The following MBL2 variants were observed in gnomAD, a reference collection of about 807,000 sequenced individuals.
MBL2 encodes mannose binding lectin 2.
MBL2 carries 6 observed loss-of-function variants against 12.7 expected under a neutral mutation model. The ratio of observed to expected loss-of-function variants is 0.47; its 90% CI spans 0.26 to 0.94. MBL2 has a LOEUF of 0.94. MBL2 is among the 40% of genes least tolerant of loss of function. MBL2 has a pLI of 0.15. For synonymous variants in MBL2, 114 were observed against 112.0 expected, an observed-to-expected ratio of 1.02 and a Z score of -0.11; for missense variants, 307 against 295.2, an observed-to-expected ratio of 1.04 and a Z score of -0.29.
In MBL2 at chr10:52,767,324, T is replaced by G. The variant is rs1426817050; in HGVS notation, c.*813A>C. 6.6e-6 allele frequency: 1 copy of G among 152,010 alleles called. No homozygotes were observed. Among genetic ancestry groups the G allele is most frequent in the Non-Finnish European group, 1.5e-5 (1 of 68,026 alleles). The allele number at this position is 152,010 out of a possible 1,614,324, so 9.4% of individuals were successfully genotyped here. ...ACATGGCAATGAAAAGGATGAAACT[T>G]TTGTACACATGACATGAATGAATCT... On this transcript the variant is annotated 3_prime_UTR_variant, in exon 5 of 5. Coordinates refer to ENST00000674931, the MANE Select transcript of MBL2 (RefSeq NM_001378373.1).
chr10:52,767,890 T>C lies in MBL2; in HGVS notation c.*247A>G. On this transcript the variant is annotated 3_prime_UTR_variant, in exon 5 of 5. Transcript: ENST00000674931. ...ATTAAACTAGATAATTAATGTAGGATGCAAAAGATAGGGCCTCATAGTATA... is the reference window on the plus strand; with the variant it reads ...ATTAAACTAGATAATTAATGTAGGACGCAAAAGATAGGGCCTCATAGTATA... 2.9e-6 allele frequency: 1 copy of C among 342,946 alleles called. No individual in the cohort carries two copies. The highest frequency in any genetic ancestry group is 5.2e-6 in the Non-Finnish European group (1 of 193,328). The allele number at this position is 342,946 out of a possible 1,614,324, so 21.2% of individuals were successfully genotyped here.
At position 52,770,691 on chromosome 10, in the gene MBL2, C is replaced by CT; in HGVS notation, c.282dup (p.Gly95ArgfsTer10). On this transcript the variant is annotated frameshift_variant, in exon 3 of 5. Coordinates refer to ENST00000674931, the MANE Select transcript of MBL2 (RefSeq NM_001378373.1). LOFTEE classifies it high-confidence loss of function. ...TTACCCGGACTTTTTCCAGGGTCTC[C>CT]TTTTTGGCCCTTTGGTCCTGGTGAC... The CT allele has an allele frequency of 6.7e-7, 1 of 1,496,386 alleles. No homozygotes were observed. The highest frequency in any genetic ancestry group is 1.4e-5 in the African/African-American group (1 of 70,262). 92.7% of individuals were successfully genotyped at this position (1,496,386 alleles called of 1,614,324 possible).
At chr10:52,769,613 G>C (rs1231092635) in intron 3 of MBL2, among the ~76,000 whole-genome samples, 1 of 151,930 alleles carries the variant, frequency 6.6e-6, no homozygotes, top group Admixed American at 6.6e-5. Flanking sequence ...GTTCTTCACA[G>C]ATTTTTTTTT....
intron 4 of MBL2, 22 bp downstream of exon 4, chr10:52,769,225 G>C (rs1169917033): frequency 1.3e-6 from 2 of 1,560,596 alleles, no homozygotes; most frequent in Non-Finnish European, 8.7e-7. Context: ...AAGCTGCCTG[G>C]AGAGTAAGAG....
Position 52,768,042 on chromosome 10 carries a change from G to A in MBL2, c.*95C>T. The A allele has an allele frequency of 6.9e-7, 1 of 1,453,842 alleles. No homozygotes were observed. The highest frequency in any genetic ancestry group is 9.2e-7 in the Non-Finnish European group (1 of 1,082,392). 90.1% of individuals were successfully genotyped at this position (1,453,842 alleles called of 1,614,324 possible). On this transcript the variant is annotated 3_prime_UTR_variant, in exon 5 of 5. Coordinates refer to ENST00000674931, the MANE Select transcript of MBL2 (RefSeq NM_001378373.1). ...ATTGCCCACAAAAGGAACAATACTGGATATGAGGAAATTGATATAATTTAT... is the reference window on the plus strand; with the variant it reads ...ATTGCCCACAAAAGGAACAATACTGAATATGAGGAAATTGATATAATTTAT...
In MBL2 at chr10:52,771,627, CA is replaced by C; in HGVS notation, c.8del (p.Leu3ArgfsTer10). The C allele has an allele frequency of 6.2e-7, 1 of 1,613,604 alleles. No homozygotes were observed. The highest frequency in any genetic ancestry group is 8.5e-7 in the Non-Finnish European group (1 of 1,179,730). MSLFPSLPLLLLS... is the reference protein window; with the variant it reads MSXFPSLPLLLLS... ...GGAGAAGGAGAGGGAGTGATGGAAA[CA>C]GGGACATGGTCCTCACCTTGGTGTG... On this transcript the variant is annotated frameshift_variant, in exon 2 of 5. Transcript: ENST00000674931. LOFTEE classifies it high-confidence loss of function.
chr10:52,766,394 A>T lies in MBL2; in HGVS notation c.*1743T>A, dbSNP rs529374068. ...AGACACACACACATACAGTTACCTA[A>T]CTTACAAAAATGCACCACCCTAGTT... On this transcript the variant is annotated 3_prime_UTR_variant, in exon 5 of 5. Coordinates refer to ENST00000674931, the MANE Select transcript of MBL2 (RefSeq NM_001378373.1). The T allele has an allele frequency of 6.6e-6, 1 of 152,124 alleles. No individual in the cohort carries two copies. The highest frequency in any genetic ancestry group is 1.5e-5 in the Non-Finnish European group (1 of 68,004). The allele number at this position is 152,124 out of a possible 1,614,324, so 9.4% of individuals were successfully genotyped here.
rs1484098696 is a variant in MBL2 at position 52,770,735 on chromosome 10, C to T, written c.239G>A (p.Gly80Glu). The part of the protein sequence containing the change: ...QGPPGKLGPP[G>E]NPGPSGSPGP... Reference sequence around the variant, plus strand: ...TGGTGACCCAGAAGGCCCTGGATTTCCTGGAGGCCCCAACTTTCCAGGGGG... The same window carrying T: ...TGGTGACCCAGAAGGCCCTGGATTTTCTGGAGGCCCCAACTTTCCAGGGGG... The change falls in exon 3 of 5, where the codon GGA becomes GAA. Residue 80 changes from glycine (G) to glutamate (E), a missense_variant. Coordinates refer to ENST00000674931, the MANE Select transcript of MBL2 (RefSeq NM_001378373.1). 1 of 1,522,702 alleles carries T rather than the reference C, an allele frequency of 6.6e-7. No individual in the cohort carries two copies. Among genetic ancestry groups the T allele is most frequent in the Non-Finnish European group, 8.9e-7 (1 of 1,127,944 alleles). The allele number at this position is 1,522,702 out of a possible 1,614,324, so 94.3% of individuals were successfully genotyped here.
rs751026580 is a variant in MBL2, at chr10:52,768,021, C to A, written c.*116G>T. On this transcript the variant is annotated 3_prime_UTR_variant, in exon 5 of 5. Coordinates refer to ENST00000674931, the MANE Select transcript of MBL2 (RefSeq NM_001378373.1). ...TGTTAGTGATCATTTTTAGTGATTG[C>A]CCACAAAAGGAACAATACTGGATAT... 6 of 1,308,204 alleles carry A rather than the reference C, an allele frequency of 4.6e-6. No homozygotes were observed. Among genetic ancestry groups the A allele is most frequent in the Non-Finnish European group, 6.2e-6 (6 of 968,416 alleles). The allele number at this position is 1,308,204 out of a possible 1,614,324, so 81.0% of individuals were successfully genotyped here.
Position 52,772,734 on chromosome 10 carries a change from T to TA in MBL2, c.-10+2dup. The stretch of plus-strand genomic sequence containing the variant: ...CCAGATTTATTCACCAGAAATGACT[T>TA]ACTGGTGTTTCTGCAGAGCAGGGAC... On this transcript the variant is annotated splice_region_variant and intron_variant, in intron 1 of 4. Coordinates refer to ENST00000674931, the MANE Select transcript of MBL2 (RefSeq NM_001378373.1). 1 of 985,344 alleles carries TA rather than the reference T, an allele frequency of 1.0e-6. No homozygotes were observed. The highest frequency in any genetic ancestry group is 1.2e-6 in the Non-Finnish European group (1 of 829,924). 61.0% of individuals were successfully genotyped at this position (985,344 alleles called of 1,614,324 possible).
rs1362765137 is a variant in MBL2, at chr10:52,766,033, A to G, written c.*2104T>C. 1 of 152,156 alleles carries G rather than the reference A, an allele frequency of 6.6e-6. No homozygotes were observed. The allele number at this position is 152,156 out of a possible 1,614,324, so 9.4% of individuals were successfully genotyped here. ...AAATCACTAAAACCACCAAAACAAGATATACAAGGTTTTTAAACTAAAAAT... is the reference window on the plus strand; with the variant it reads ...AAATCACTAAAACCACCAAAACAAGGTATACAAGGTTTTTAAACTAAAAAT... On this transcript the variant is annotated 3_prime_UTR_variant, in exon 5 of 5. Coordinates refer to ENST00000674931, the MANE Select transcript of MBL2 (RefSeq NM_001378373.1).
chr10:52,770,879 A>ATTGG, intron 2 of MBL2, 93 bp from the exon 3 acceptor site: 2 of 602,634 alleles, frequency 3.3e-6, no homozygotes, highest in Non-Finnish European at 5.3e-6. Context: ...AGGAGAAAGG[A>ATTGG]GACCTTGACC....
chr10:52,770,373 C>G (rs1840372474), intron 3 of MBL2, among the ~76,000 whole-genome samples: 1 of 152,238 alleles, frequency 6.6e-6, no homozygotes, highest in African/African-American at 2.4e-5. Flanking sequence ...GGCCTGTTTT[C>G]TCCCTCTAGG....
chr10:52,767,824 A>G lies in MBL2; in HGVS notation c.*313T>C, dbSNP rs146097239. The G allele has an allele frequency of 1.6e-3, 334 of 207,734 alleles. 4 individuals carry two copies. The highest frequency in any genetic ancestry group is 6.8e-3 in the African/African-American group (295 of 43,362). The allele number at this position is 207,734 out of a possible 1,614,324, so 12.9% of individuals were successfully genotyped here. ...GGAAAAATAAATCCGTCTTATTTTCATACTGCAGCAAGTTAACACTATCGA... is the reference window on the plus strand; with the variant it reads ...GGAAAAATAAATCCGTCTTATTTTCGTACTGCAGCAAGTTAACACTATCGA... On this transcript the variant is annotated 3_prime_UTR_variant, in exon 5 of 5. Transcript: ENST00000674931.
chr10:52,769,632 TTGTTC>T (rs1325237330), intron 3 of MBL2, among the ~76,000 whole-genome samples: 3 of 152,024 alleles, frequency 2.0e-5, no homozygotes, highest in Non-Finnish European at 4.4e-5. Flanking sequence ...TTCAAATAAA[TTGTTC>T]TATCAAAACT....
At position 52,768,263 on chromosome 10, in the gene MBL2, G is replaced by A. The variant is rs775112414; in HGVS notation, c.621C>T (p.Asn207=). The change falls in exon 5 of 5, where the codon AAC becomes AAT. Residue 207 remains asparagine, a synonymous_variant. Coordinates refer to ENST00000674931, the MANE Select transcript of MBL2 (RefSeq NM_001378373.1). ...DLTGNRLTYT[N]WNEGEPNNAG... is the part of the protein sequence containing the mutation. ...CATTGTTGGGTTCACCCTCGTTCCA[G>A]TTTGTGTAGGTCAGTCTATTTCCTG... The A allele has an allele frequency of 1.2e-6, 2 of 1,613,730 alleles. No individual in the cohort carries two copies. The highest frequency in any genetic ancestry group is 1.7e-5 in the Admixed American group (1 of 59,970).
chr10:52,768,233 A>C lies in MBL2; in HGVS notation c.651T>G (p.Gly217=). ...NWNEGEPNNA[G]SDEDCVLLLK... ...GTAGCAATACACAATCTTCATCAGA[A>C]CCAGCATTGTTGGGTTCACCCTCGT... Residue 217 remains glycine, a synonymous_variant, in exon 5 of 5, where the codon GGT becomes GGG. Transcript: ENST00000674931. 1 of 1,613,848 alleles carries C rather than the reference A, an allele frequency of 6.2e-7. No homozygotes were observed. Among genetic ancestry groups the C allele is most frequent in the Non-Finnish European group, 8.5e-7 (1 of 1,180,002 alleles).
intron 1 of MBL2, among the ~76,000 whole-genome samples, chr10:52,772,150 A>G (rs947046789): frequency 2.6e-5 from 4 of 152,190 alleles, no homozygotes; most frequent in Non-Finnish European, 5.9e-5. Flanking sequence ...CCTGAGCTGA[A>G]AGCTGGTGAT....
chr10:52,771,303 G>T, intron 2 of MBL2, 146 bp downstream of exon 2: 1 of 958,690 alleles, frequency 1.0e-6, no homozygotes, highest in Non-Finnish European at 1.5e-6. Flanking sequence ...ATTCTGAGAT[G>T]CCAGAGAATG....
Sources: allele counts gnomAD v4.1 joint callset (sites outside exome capture counted in the v4.1 genomes callset), GRCh38; gene constraint gnomAD v4.1.1; transcripts MANE v1.5; gene names NCBI Gene and HGNC (gene_info 2026-07-23, HGNC 2026-07-21).